The following KANK1 variants were observed in gnomAD, a reference collection of about 807,000 sequenced individuals.
KANK1 encodes the protein KN motif and ankyrin repeat domains 1.
KANK1 carries 109 observed loss-of-function variants against 106.2 expected under a neutral mutation model. The observed-to-expected ratio is 1.03, with a 90% CI of 0.88 to 1.20. The LOEUF (loss-of-function observed/expected upper bound fraction) is 1.20. KANK1 is among the 50% of genes most tolerant of loss of function. The pLI is 0.00. For synonymous variants in KANK1, 873 were observed against 652.2 expected (o/e 1.34, Z -5.16); for missense variants, 2,399 against 1,710.7 (o/e 1.40, Z -7.10).
At chr9:489,241 G>C (rs1346267127) in intron 3 of KANK1, among the ~76,000 whole-genome samples, 3 of 151,956 alleles carry the variant, frequency 2.0e-5, no homozygotes, top group Non-Finnish European at 4.4e-5. Flanking sequence ...TGCAGTTTGG[G>C]GTAGAGCCTA....
rs548995266 is a variant in KANK1, at chr9:711,149, C to G, written c.383C>G (p.Ser128Ter). 6.2e-7 allele frequency: 1 copy of G among 1,614,224 alleles called. No individual in the cohort carries two copies. Among genetic ancestry groups the G allele is most frequent in the Non-Finnish European group, 8.5e-7 (1 of 1,180,044 alleles). ...AAGCCACCTCCCCCTCTGGAGACCT[C>G]ACTCCCTTTTCTTACCATCCCAGAA... ...ISKPPPPLET[S>*]LPFLTIPENR... The change falls in exon 3 of 12, where the codon TCA (serine) becomes TGA (stop). Residue 128 changes from serine to a stop codon, truncating the protein, a stop_gained. Coordinates refer to ENST00000382297, the MANE Select transcript of KANK1 (RefSeq NM_015158.5). LOFTEE classifies it high-confidence loss of function.
chr9:536,938 C>T lies in KANK1; in HGVS notation c.-84+32184C>T, dbSNP rs922469551. On this transcript the variant is annotated intron_variant, in intron 1 of 11. Coordinates refer to ENST00000382297, the MANE Select transcript of KANK1 (RefSeq NM_015158.5). The stretch of plus-strand genomic sequence containing the variant: ...TTTATTCAGGGTGCATCTGTTCCAC[C>T]TGGCTGGCAGCACGCACCTTGCAGG... Among the ~76,000 whole-genome samples the T allele has an allele frequency of 3.9e-5, 6 of 152,182 alleles. No individual in the cohort carries two copies. The East Asian group carries it at 1.2e-3, about 29-fold the overall frequency.
Position 710,876 on chromosome 9 carries a change from A to G in KANK1, c.110A>G (p.Tyr37Cys), listed in dbSNP as rs753436251. ...QKDPYFVETP[Y>C]GYQLDLDFLK... ...GACCCTTACTTTGTGGAGACCCCCT[A>G]TGGTTATCAACTAGACTTAGATTTC... Residue 37 changes from tyrosine (Y) to cysteine (C), a missense_variant, in exon 3 of 12, where the codon TAT (tyrosine) becomes TGT (cysteine). Coordinates refer to ENST00000382297, the MANE Select transcript of KANK1 (RefSeq NM_015158.5). 12 of 1,613,936 alleles carry G rather than the reference A, an allele frequency of 7.4e-6. No homozygotes were observed. Among genetic ancestry groups the G allele is most frequent in the Admixed American group, 6.7e-5 (4 of 60,006 alleles).
intron 2 of KANK1, among the ~76,000 whole-genome samples, chr9:682,960 C>G (rs929397204): frequency 1.3e-5 from 2 of 152,156 alleles, no homozygotes; most frequent in Non-Finnish European, 1.5e-5. Flanking sequence ...TCAAACAGAA[C>G]TCTGAGCCCA....
At chr9:734,334 C>T in intron 6 of KANK1, 1 of 180,976 alleles carries the variant, frequency 5.5e-6, no homozygotes, top group East Asian at 1.3e-4. Flanking sequence ...AATGACCTGC[C>T]TGGGCTGGCT....
intron 2 of KANK1, among the ~76,000 whole-genome samples, chr9:685,043 C>A (rs1046579829): frequency 6.6e-6 from 1 of 152,150 alleles, no homozygotes; most frequent in Non-Finnish European, 1.5e-5. Flanking sequence ...AGACTCTTTT[C>A]TTTTTCCTTC....
intron 8 of KANK1, among the ~76,000 whole-genome samples, chr9:739,522 C>G (rs944463112): frequency 6.6e-6 from 1 of 152,134 alleles, no homozygotes; most frequent in African/African-American, 2.4e-5. Flanking sequence ...CTGCTTCCAT[C>G]TTACAGGAAG....
chr9:653,967 T>C (rs1250186749), intron 1 of KANK1, among the ~76,000 whole-genome samples: 6 of 152,198 alleles, frequency 3.9e-5, no homozygotes, highest in Admixed American at 6.5e-5. Context: ...CCTGTTCCTT[T>C]CCACATGGAT....
chr9:568,727 C>A (rs879327336), intron 1 of KANK1, among the ~76,000 whole-genome samples: 2 of 152,106 alleles, frequency 1.3e-5, no homozygotes, highest in African/African-American at 4.8e-5. Context: ...TCCTGGCCTC[C>A]CACCTTAACC....
At chr9:635,465 C>A (rs952014193) in intron 1 of KANK1, among the ~76,000 whole-genome samples, 2 of 152,096 alleles carry the variant, frequency 1.3e-5, no homozygotes, top group Non-Finnish European at 2.9e-5. Context: ...TTTGTGCAAA[C>A]CTTTTCCCCA....
intron 8 of KANK1, among the ~76,000 whole-genome samples, chr9:740,378 C>G (rs1835092603): frequency 6.6e-6 from 1 of 152,170 alleles, no homozygotes; most frequent in Non-Finnish European, 1.5e-5. Context: ...GTCCAACGTT[C>G]CATACGTAAG....
intron 2 of KANK1, among the ~76,000 whole-genome samples, chr9:702,972 TG>T (rs917797111): frequency 7.9e-5 from 12 of 152,110 alleles, no homozygotes; most frequent in African/African-American, 2.9e-4. Flanking sequence ...TTTGGTTTTT[TG>T]GAGTGGGGGC....
intron 1 of KANK1, among the ~76,000 whole-genome samples, chr9:664,930 G>A (rs1391067760): frequency 6.6e-6 from 1 of 152,166 alleles, no homozygotes; most frequent in Non-Finnish European, 1.5e-5. Context: ...AATTACTGAT[G>A]TTGAGCACTT....
At chr9:632,117 T>G (rs1371362675) in intron 1 of KANK1, among the ~76,000 whole-genome samples, 2 of 152,224 alleles carry the variant, frequency 1.3e-5, no homozygotes, top group Admixed American at 6.5e-5. Context: ...ACATTTGACC[T>G]TCAATTTAAG....
intron 2 of KANK1, among the ~76,000 whole-genome samples, chr9:472,309 A>G: frequency 6.6e-6 from 1 of 152,134 alleles, no homozygotes; most frequent in Non-Finnish European, 1.5e-5. Context: ...CTGAGTTTCT[A>G]ACTCTTTCCA....
At chr9:534,792 A>G (rs1017212169) in intron 1 of KANK1, among the ~76,000 whole-genome samples, 1 of 152,244 alleles carries the variant, frequency 6.6e-6, no homozygotes, top group Non-Finnish European at 1.5e-5. Flanking sequence ...ACACTAAAAC[A>G]TGTTTACAAT....
intron 1 of KANK1, among the ~76,000 whole-genome samples, chr9:508,628 G>A (rs1027701717): frequency 2.7e-5 from 4 of 146,474 alleles, no homozygotes; most frequent in Non-Finnish European, 4.4e-5. Flanking sequence ...CTGTTTTCAT[G>A]CTCTACACAG....
At chr9:614,228 G>A (rs531904229) in intron 1 of KANK1, among the ~76,000 whole-genome samples, 4 of 152,302 alleles carry the variant, frequency 2.6e-5, no homozygotes, top group African/African-American at 9.6e-5. Context: ...ACAAAAGTGT[G>A]TTTAGCAGAT....
rs556082274 is a variant in KANK1, at chr9:575,807, G to A, written c.-84+71053G>A. On this transcript the variant is annotated intron_variant, in intron 1 of 11. Coordinates refer to ENST00000382297, the MANE Select transcript of KANK1 (RefSeq NM_015158.5). ...GAGGCCAAGGCGGGCCCGATCACTTGAGGTCAGGAGTTCAAGACCAGCCTG... is the reference window on the plus strand; with the variant it reads ...GAGGCCAAGGCGGGCCCGATCACTTAAGGTCAGGAGTTCAAGACCAGCCTG... Among the ~76,000 whole-genome samples, 5 of 152,352 alleles carry A rather than the reference G, an allele frequency of 3.3e-5. No individual in the cohort carries two copies. The South Asian group carries it at 1.0e-3, about 32-fold the overall frequency.
Sources: gnomAD v4.1 joint callset for allele counts (sites outside exome capture counted in the v4.1 genomes callset) on GRCh38, gnomAD v4.1.1 for gene constraint, MANE v1.5 for transcripts, NCBI Gene and HGNC (gene_info 2026-07-23, HGNC 2026-07-21) for gene names.